Variants in SYT17 observed in about 807,000 individuals in gnomAD.
The protein encoded by SYT17 is synaptotagmin 17, also known as synaptotagmin-17.
SYT17 carries 22 observed loss-of-function variants against 46.7 expected under a neutral mutation model. The observed-to-expected ratio is 0.47, with a 90% CI of 0.34 to 0.67. The LOEUF (loss-of-function observed/expected upper bound fraction) is 0.67, where lower values mean the gene tolerates loss of function less well. Ranked by LOEUF, SYT17 falls within the 30% of genes least tolerant of loss-of-function variation. The probability of loss-of-function intolerance (pLI) is 0.01; values close to 1 mark genes in which losing one functional copy is unlikely to be tolerated. For missense variants in SYT17, 519 were observed against 612.8 expected, an observed-to-expected ratio of 0.85 and a Z score of 1.62; for synonymous variants, 251 against 248.4, an observed-to-expected ratio of 1.01 and a Z score of -0.10.
At chr16:19,187,590 A>G (rs1395604561) in intron 5 of SYT17, among the ~76,000 whole-genome samples, 1 of 152,244 alleles carries the variant, frequency 6.6e-6, no homozygotes, top group Non-Finnish European at 1.5e-5. Flanking sequence ...CTAGTGAGGC[A>G]AGAAGCTCAC....
intron 7 of SYT17, among the ~76,000 whole-genome samples, chr16:19,229,815 G>T (rs1376695697): frequency 6.6e-6 from 1 of 152,190 alleles, no homozygotes; most frequent in East Asian, 1.9e-4. Context: ...ACCTGAACAT[G>T]CATCGACAGA....
At chr16:19,257,728 CAG>C (rs1219756976) in intron 7 of SYT17, among the ~76,000 whole-genome samples, 1 of 151,868 alleles carries the variant, frequency 6.6e-6, no homozygotes, top group Non-Finnish European at 1.5e-5. Flanking sequence ...TTTTCAGGAA[CAG>C]GGGAACATCT....
intron 7 of SYT17, among the ~76,000 whole-genome samples, chr16:19,247,956 AT>A (rs1441666261): frequency 6.6e-6 from 1 of 152,196 alleles, no homozygotes; most frequent in East Asian, 1.9e-4. Flanking sequence ...CCTGAGAGAA[AT>A]TTTTGGCAAA....
chr16:19,178,088 C>CT (rs34305511), intron 3 of SYT17, among the ~76,000 whole-genome samples: 8,010 of 144,408 alleles, frequency 0.055, 287 homozygotes, highest in Non-Finnish European at 0.083. Flanking sequence ...AGTGATTCTC[C>CT]TTTTTTTTTT....
intron 5 of SYT17, among the ~76,000 whole-genome samples, chr16:19,203,867 G>A (rs1023620645): frequency 1.4e-4 from 22 of 152,322 alleles, no homozygotes; most frequent in African/African-American, 4.8e-4. Flanking sequence ...GTTGGTGGAT[G>A]GTCTGGAATG....
At chr16:19,263,596 C>T (rs917893936) in intron 7 of SYT17, among the ~76,000 whole-genome samples, 15 of 146,654 alleles carry the variant, frequency 1.0e-4, no homozygotes, top group African/African-American at 2.3e-4. Context: ...GCCGAGATCA[C>T]GCCACTGCAT....
At position 19,198,306 on chromosome 16, in the gene SYT17, G is replaced by A. The variant is rs143582287; in HGVS notation, c.951+14159G>A. On this transcript the variant is annotated intron_variant, in intron 5 of 7. Coordinates refer to ENST00000355377, the MANE Select transcript of SYT17 (RefSeq NM_016524.4). The stretch of plus-strand genomic sequence containing the variant: ...TTATTGTTGGCAGTCAGACTTAGTC[G>A]TTATGAAGCATGAAGATCAGAGAGC... Among the ~76,000 whole-genome samples the A allele has an allele frequency of 9.2e-5, 14 of 152,212 alleles. No individual in the cohort carries two copies. In the East Asian group the frequency reaches 1.2e-3, roughly 13 times the overall value.
At chr16:19,242,098 G>A (rs923690431) in intron 7 of SYT17, among the ~76,000 whole-genome samples, 1 of 152,204 alleles carries the variant, frequency 6.6e-6, no homozygotes, top group Admixed American at 6.5e-5. Flanking sequence ...CAGTTACTGG[G>A]TTATATGTCT....
chr16:19,222,946 G>A (rs575158358), intron 5 of SYT17, 99 bp from the exon 6 acceptor site: 36 of 1,522,636 alleles, frequency 2.4e-5, no homozygotes, highest in Admixed American at 9.0e-5. Context: ...TGCGCTCACA[G>A]CAACCTGTTT....
chr16:19,241,490 C>T (rs1967119084), intron 7 of SYT17, among the ~76,000 whole-genome samples: 1 of 152,218 alleles, frequency 6.6e-6, no homozygotes, highest in African/African-American at 2.4e-5. Context: ...CTCCCACCCA[C>T]TCTGTGGAGC....
At chr16:19,247,406 A>G (rs1171506167) in intron 7 of SYT17, among the ~76,000 whole-genome samples, 3 of 152,206 alleles carry the variant, frequency 2.0e-5, no homozygotes, top group East Asian at 1.9e-4. Context: ...ATGTTGGTCA[A>G]TTTTGATAGA....
At chr16:19,223,213 T>C in intron 6 of SYT17, 48 bp downstream of exon 6, 1 of 1,597,766 alleles carries the variant, frequency 6.3e-7, no homozygotes, top group Non-Finnish European at 8.6e-7. Context: ...GGGGCATCTG[T>C]GTTTGTGTGG....
At chr16:19,193,950 A>G (rs935855371) in intron 5 of SYT17, among the ~76,000 whole-genome samples, 2 of 152,342 alleles carry the variant, frequency 1.3e-5, no homozygotes, top group Admixed American at 1.3e-4. Context: ...TAGGCAGTCA[A>G]CGAAGTCTGT....
At chr16:19,174,035 T>C (rs1964215343) in intron 3 of SYT17, among the ~76,000 whole-genome samples, 1 of 152,174 alleles carries the variant, frequency 6.6e-6, no homozygotes, top group African/African-American at 2.4e-5. Flanking sequence ...AAATATCCAT[T>C]GCATGGATGG....
At chr16:19,216,395 T>A (rs962709805) in intron 5 of SYT17, among the ~76,000 whole-genome samples, 17 of 132,502 alleles carry the variant, frequency 1.3e-4, no homozygotes, top group Middle Eastern at 3.6e-3. Context: ...TTTTTTTTTT[T>A]ATTATACTTT....
At chr16:19,249,582 G>A (rs1396519119) in intron 7 of SYT17, among the ~76,000 whole-genome samples, 2 of 152,174 alleles carry the variant, frequency 1.3e-5, no homozygotes, top group African/African-American at 4.8e-5. Flanking sequence ...AATGAAACAA[G>A]TGGTTGTGGG....
chr16:19,170,997 C>G (rs1026061566), intron 1 of SYT17: 1 of 152,124 alleles, frequency 6.6e-6, no homozygotes, highest in Non-Finnish European at 1.5e-5. Flanking sequence ...CAACAGCACG[C>G]CTTTGAGGTA....
At chr16:19,226,713 G>C (rs959788135) in intron 7 of SYT17, among the ~76,000 whole-genome samples, 2 of 152,174 alleles carry the variant, frequency 1.3e-5, no homozygotes, top group Admixed American at 6.5e-5. Flanking sequence ...GGACAGGCAG[G>C]TAGTGGGGCC....
At chr16:19,231,397 C>A (rs1037294653) in intron 7 of SYT17, among the ~76,000 whole-genome samples, 13 of 151,940 alleles carry the variant, frequency 8.6e-5, no homozygotes, top group Admixed American at 2.6e-4. Context: ...ATGGTGTAAC[C>A]CCATTTCTAC....
Sources: allele counts gnomAD v4.1 joint callset (sites outside exome capture counted in the v4.1 genomes callset), GRCh38; gene constraint gnomAD v4.1.1; transcripts MANE v1.5; gene names NCBI Gene and HGNC (gene_info 2026-07-23, HGNC 2026-07-21).